Variants in NLRP8 observed in about 807,000 individuals in gnomAD.
NLRP8 encodes the protein NACHT, LRR and PYD domains-containing protein 8.
A neutral mutation model predicts 88.7 loss-of-function variants in NLRP8; 86 were observed. That is an observed-to-expected ratio of 0.97 (90% confidence interval 0.81 to 1.16). The LOEUF (loss-of-function observed/expected upper bound fraction) is 1.16. NLRP8 is among the 50% of genes most tolerant of loss of function. The pLI is 0.00. For synonymous variants in NLRP8, 504 were observed against 494.6 expected (o/e 1.02, Z -0.25); for missense variants, 1,342 against 1,286.5 (o/e 1.04, Z -0.66).
chr19:55,957,365 G>A (rs372551156), intron 3 of NLRP8, among the ~76,000 whole-genome samples: 147 of 152,090 alleles, frequency 9.7e-4, no homozygotes, highest in African/African-American at 2.8e-3. Flanking sequence ...CTTTCTTTCC[G>A]TGTAAAAATA....
Position 55,973,780 on chromosome 19 carries a change from G to T in NLRP8, c.2663G>T (p.Trp888Leu). The change falls in exon 7 of 10, where the codon TGG becomes TTG. Residue 888 changes from tryptophan to leucine, a missense_variant. Physicochemically the swap from Trp to Leu is moderately conservative, Grantham distance 61. Transcript: ENST00000291971. ...AAAGATGAAGGGGCCAAGCATATTTGGAATGCCCTGCCACACCTGAGATGT... is the reference window on the plus strand; with the variant it reads ...AAAGATGAAGGGGCCAAGCATATTTTGAATGCCCTGCCACACCTGAGATGT... 1.2e-6 allele frequency: 2 copies of T among 1,613,984 alleles called. No homozygotes were observed. Among genetic ancestry groups the T allele is most frequent in the Non-Finnish European group, 1.7e-6 (2 of 1,179,936 alleles).
chr19:55,976,846 G>C (rs1196784768), intron 8 of NLRP8, among the ~76,000 whole-genome samples: 3 of 129,784 alleles, frequency 2.3e-5, no homozygotes, highest in African/African-American at 8.8e-5. Context: ...TTGGGAGGCT[G>C]AGGTGGGGCG....
intron 9 of NLRP8, among the ~76,000 whole-genome samples, chr19:55,985,146 A>T (rs1192051013): frequency 6.6e-6 from 1 of 152,086 alleles, no homozygotes; most frequent in East Asian, 1.9e-4. Flanking sequence ...TACTAAAGAT[A>T]CAAAAAATTA....
At chr19:55,969,033 A>G (rs1979963139) in intron 5 of NLRP8, among the ~76,000 whole-genome samples, 1 of 152,222 alleles carries the variant, frequency 6.6e-6, no homozygotes, top group South Asian at 2.1e-4. Context: ...ACTGCACACC[A>G]GGACTCCCTC....
At chr19:55,964,891 T>G (rs1600305630) in intron 4 of NLRP8, among the ~76,000 whole-genome samples, 1 of 152,250 alleles carries the variant, frequency 6.6e-6, no homozygotes, top group South Asian at 2.1e-4. Context: ...CGATTATACC[T>G]CAAGGAAACT....
intron 9 of NLRP8, among the ~76,000 whole-genome samples, chr19:55,981,983 C>T (rs1224945571): frequency 6.6e-6 from 1 of 151,810 alleles, no homozygotes; most frequent in Non-Finnish European, 1.5e-5. Flanking sequence ...CTCACTGCAA[C>T]CTCCACCTCC....
intron 9 of NLRP8, among the ~76,000 whole-genome samples, chr19:55,980,587 C>CA (rs532766008): frequency 2.0e-5 from 3 of 151,844 alleles, no homozygotes; most frequent in South Asian, 2.1e-4. Context: ...CTGTGGGCGG[C>CA]GGGGGGGCCT....
chr19:55,986,640 C>G (rs1003259938), intron 9 of NLRP8, among the ~76,000 whole-genome samples: 1 of 152,254 alleles, frequency 6.6e-6, no homozygotes, highest in Non-Finnish European at 1.5e-5. Context: ...AGAAAAGTGC[C>G]TGTTCCCTGG....
intron 3 of NLRP8, among the ~76,000 whole-genome samples, chr19:55,957,712 TATATATATATATAA>T (rs1239322565): frequency 5.6e-4 from 57 of 101,488 alleles, no homozygotes; most frequent in Middle Eastern, 4.6e-3. Context: ...TATATATATA[TATATATATATATAA>T]AATAAGGTTG....
At chr19:55,984,742 G>C (rs1303108412) in intron 9 of NLRP8, among the ~76,000 whole-genome samples, 1 of 149,454 alleles carries the variant, frequency 6.7e-6, no homozygotes, top group Admixed American at 6.7e-5. Flanking sequence ...GAGGCCAAGT[G>C]GGGAGGATCA....
chr19:55,971,002 A>C (rs1980050783), intron 6 of NLRP8, among the ~76,000 whole-genome samples: 1 of 152,052 alleles, frequency 6.6e-6, no homozygotes, highest in South Asian at 2.1e-4. Context: ...GCCTGTCCTC[A>C]CTGGTTTTAT....
chr19:55,955,395 T>C lies in NLRP8; in HGVS notation c.1337T>C (p.Ile446Thr), dbSNP rs1230500612. 3 of 1,614,054 alleles carry C rather than the reference T, an allele frequency of 1.9e-6. No individual in the cohort carries two copies. The highest frequency in any genetic ancestry group is 4.5e-5 in the East Asian group (2 of 44,892). ...AGAGCTGAGAACTTTTCCAGAAAGATCCACCAAGCACAACTGGAAGGTCTG... is the reference window on the plus strand; with the variant it reads ...AGAGCTGAGAACTTTTCCAGAAAGACCCACCAAGCACAACTGGAAGGTCTG... The change falls in exon 3 of 10, where the codon ATC (isoleucine) becomes ACC (threonine). Residue 446 changes from isoleucine to threonine, a missense_variant. Coordinates refer to ENST00000291971, the MANE Select transcript of NLRP8 (RefSeq NM_176811.2).
rs563800137 is a variant in NLRP8 at position 55,947,955 on chromosome 19, C to G, written c.53C>G (p.Ser18Cys). Residue 18 changes from serine (S) to cysteine (C), a missense_variant, in exon 1 of 10, where the codon TCC (serine) becomes TGC (cysteine). Transcript: ENST00000291971. The stretch of plus-strand genomic sequence containing the variant: ...ACCCCCATTCCCTTTTCATCCTCCT[C>G]CACTCACAGTTCTCATATTCCGCCC... 7 of 1,613,966 alleles carry G rather than the reference C, an allele frequency of 4.3e-6. No individual in the cohort carries two copies. Among genetic ancestry groups the G allele is most frequent in the Non-Finnish European group, 5.9e-6 (7 of 1,179,990 alleles).
In NLRP8 at chr19:55,970,649, G is replaced by A. The variant is rs753394368; in HGVS notation, c.2487G>A (p.Glu829=). 2.5e-6 allele frequency: 4 copies of A among 1,613,992 alleles called. No homozygotes were observed. The highest frequency in any genetic ancestry group is 1.3e-5 in the African/African-American group (1 of 74,908). The stretch of plus-strand genomic sequence containing the variant: ...TCATACTAAGAAAAAACTCCCTGGA[G>A]AACTGTGGGGCGTATTACCTGTCTG... Residue 829 remains glutamate, a synonymous_variant, in exon 6 of 10, where the codon GAG becomes GAA. Transcript: ENST00000291971.
At chr19:55,986,489 C>CACACAT (rs1555759227) in intron 9 of NLRP8, among the ~76,000 whole-genome samples, 1 of 151,254 alleles carries the variant, frequency 6.6e-6, no homozygotes, top group African/African-American at 2.4e-5. Context: ...CACACACACA[C>CACACAT]ACACACACAC....
chr19:55,983,693 G>T (rs1980673574), intron 9 of NLRP8, among the ~76,000 whole-genome samples: 1 of 151,532 alleles, frequency 6.6e-6, no homozygotes, highest in East Asian at 1.9e-4. Flanking sequence ...AAGACAAATG[G>T]ATATCATGTG....
rs780651284 is a variant in NLRP8, at chr19:55,955,422, G to A, written c.1364G>A (p.Cys455Tyr). 3.7e-6 allele frequency: 6 copies of A among 1,614,224 alleles called. No individual in the cohort carries two copies. The highest frequency in any genetic ancestry group is 5.1e-6 in the Non-Finnish European group (6 of 1,180,044). ...CACCAAGCACAACTGGAAGGTCTGT[G>A]TCACTTGGCCGCAGACAGCATGTGG... is the stretch of plus-strand genomic sequence containing the variant. The change falls in exon 3 of 10, where the codon TGT becomes TAT. Residue 455 changes from cysteine (C) to tyrosine (Y), a missense_variant. Coordinates refer to ENST00000291971, the MANE Select transcript of NLRP8 (RefSeq NM_176811.2).
At chr19:55,983,982 C>T (rs1248572117) in intron 9 of NLRP8, among the ~76,000 whole-genome samples, 1 of 152,108 alleles carries the variant, frequency 6.6e-6, no homozygotes, top group East Asian at 1.9e-4. Context: ...TAATATTTCA[C>T]TATTTGTGAA....
chr19:55,977,400 A>G (rs1980395634), intron 8 of NLRP8, among the ~76,000 whole-genome samples: 2 of 121,734 alleles, frequency 1.6e-5, no homozygotes, highest in African/African-American at 6.8e-5. Context: ...ATACGAATAT[A>G]TTATATGTAA....
Sources: gnomAD v4.1 joint callset for allele counts (sites outside exome capture counted in the v4.1 genomes callset) on GRCh38, gnomAD v4.1.1 for gene constraint, MANE v1.5 for transcripts, NCBI Gene and HGNC (gene_info 2026-07-23, HGNC 2026-07-21) for gene names.